GABRG3: variants seen among roughly 807,000 people sequenced by gnomAD.
GABRG3 encodes gamma-aminobutyric acid receptor subunit gamma-3.
In GABRG3, 25 loss-of-function variants were observed where a neutral mutation model predicts 48.8. The observed-to-expected ratio is 0.51, with a 90% CI of 0.37 to 0.72. The LOEUF (loss-of-function observed/expected upper bound fraction) is 0.72. Among genes scored for constraint, GABRG3 ranks in the 30% least tolerant of loss-of-function variants. The pLI, the probability that GABRG3 is intolerant of heterozygous loss-of-function variation, is 0.00. For synonymous variants in GABRG3, 227 were observed against 217.6 expected, an observed-to-expected ratio of 1.04 and a Z score of -0.38; for missense variants, 394 against 577.9, an observed-to-expected ratio of 0.68 and a Z score of 3.26.
chr15:27,248,012 C>T (rs1428909558), intron 3 of GABRG3, among the ~76,000 whole-genome samples: 1 of 152,166 alleles, frequency 6.6e-6, no homozygotes, highest in Non-Finnish European at 1.5e-5. Context: ...ACCAGACATG[C>T]AGAGAGAAGG....
At chr15:27,230,294 T>A (rs924814879) in intron 3 of GABRG3, among the ~76,000 whole-genome samples, 3 of 152,214 alleles carry the variant, frequency 2.0e-5, no homozygotes, top group African/African-American at 4.8e-5. Flanking sequence ...CACCTGAACT[T>A]GATCTACAGC....
chr15:27,436,723 G>A (rs940846253), intron 5 of GABRG3, among the ~76,000 whole-genome samples: 7 of 152,184 alleles, frequency 4.6e-5, no homozygotes, highest in Admixed American at 3.3e-4. Context: ...GGCTCCTAGT[G>A]CAGATCAGAG....
intron 5 of GABRG3, among the ~76,000 whole-genome samples, chr15:27,409,498 A>T (rs1313882027): frequency 3.3e-5 from 5 of 152,168 alleles, no homozygotes; most frequent in African/African-American, 1.2e-4. Flanking sequence ...TACTGTAGCT[A>T]TATAATTAAT....
At chr15:27,390,046 G>T (rs573536357) in intron 5 of GABRG3, among the ~76,000 whole-genome samples, 2 of 152,276 alleles carry the variant, frequency 1.3e-5, no homozygotes, top group Non-Finnish European at 2.9e-5. Context: ...AGTGTTAAGG[G>T]TATAAATTTC....
intron 3 of GABRG3, among the ~76,000 whole-genome samples, chr15:27,062,357 G>A (rs1263611661): frequency 6.6e-6 from 1 of 150,544 alleles, no homozygotes; most frequent in Non-Finnish European, 1.5e-5. Flanking sequence ...AGCACTTCAG[G>A]AGGCCGAGGC....
intron 3 of GABRG3, among the ~76,000 whole-genome samples, chr15:27,241,638 G>A (rs1344237402): frequency 3.3e-5 from 5 of 152,140 alleles, no homozygotes; most frequent in African/African-American, 1.2e-4. Flanking sequence ...CCATTTAAAT[G>A]TTTCTCTTTC....
rs183078728 is a variant in GABRG3 at position 27,374,601 on chromosome 15, A to T, written c.574+45713A>T. On this transcript the variant is annotated intron_variant, in intron 5 of 9. Transcript: ENST00000615808. ...TAAGTGTGGGTTTGTGCAGAGCAGA[A>T]CCTGTAGCAAGCACCGAGTCTGACT... Among the ~76,000 whole-genome samples the T allele has an allele frequency of 2.5e-4, 38 of 152,310 alleles. No homozygotes were observed. The East Asian group carries it at 6.4e-3, about 26-fold the overall frequency.
At chr15:27,458,274 C>A (rs541150951) in intron 5 of GABRG3, among the ~76,000 whole-genome samples, 108 of 152,346 alleles carry the variant, frequency 7.1e-4, no homozygotes, top group African/African-American at 2.4e-3. Context: ...TATGACATCG[C>A]TCCATCCTCA....
intron 7 of GABRG3, among the ~76,000 whole-genome samples, chr15:27,527,144 C>T (rs1194273201): frequency 6.6e-6 from 1 of 152,044 alleles, no homozygotes; most frequent in Non-Finnish European, 1.5e-5. Context: ...CCAAAAAGAG[C>T]GTCTACGTTA....
intron 2 of GABRG3, among the ~76,000 whole-genome samples, chr15:27,003,638 G>A (rs1895504469): frequency 1.3e-5 from 2 of 152,144 alleles, no homozygotes; most frequent in South Asian, 4.1e-4. Flanking sequence ...ACACAGACAT[G>A]GCAACCATCC....
At chr15:27,400,769 A>G (rs1047410149) in intron 5 of GABRG3, among the ~76,000 whole-genome samples, 10 of 152,210 alleles carry the variant, frequency 6.6e-5, no homozygotes, top group African/African-American at 2.2e-4. Context: ...AGAACTTCCT[A>G]TTCTAAATTT....
intron 3 of GABRG3, among the ~76,000 whole-genome samples, chr15:27,092,761 C>G (rs949646110): frequency 5.9e-5 from 9 of 152,192 alleles, no homozygotes; most frequent in African/African-American, 2.2e-4. Context: ...TTTGAGATGA[C>G]TTGCTCGGTG....
At chr15:27,290,092 C>T (rs1891747585) in intron 3 of GABRG3, among the ~76,000 whole-genome samples, 1 of 152,026 alleles carries the variant, frequency 6.6e-6, no homozygotes, top group African/African-American at 2.4e-5. Flanking sequence ...TAAAACAAAA[C>T]AAAACAGAAA....
chr15:27,492,727 G>A (rs934907323), intron 6 of GABRG3, among the ~76,000 whole-genome samples: 2 of 152,186 alleles, frequency 1.3e-5, no homozygotes, highest in African/African-American at 2.4e-5. Context: ...TTGTGTTGAT[G>A]AGAGAACCAC....
intron 3 of GABRG3, among the ~76,000 whole-genome samples, chr15:27,274,804 A>G (rs1222587125): frequency 1.3e-5 from 2 of 152,214 alleles, no homozygotes; most frequent in Admixed American, 6.5e-5. Flanking sequence ...CAATTATTAT[A>G]TCATCCTACC....
At chr15:27,096,640 G>A (rs536027016) in intron 3 of GABRG3, among the ~76,000 whole-genome samples, 1 of 152,170 alleles carries the variant, frequency 6.6e-6, no homozygotes, top group African/African-American at 2.4e-5. Flanking sequence ...ACTAACTTCT[G>A]TTTGCATATG....
intron 3 of GABRG3, among the ~76,000 whole-genome samples, chr15:27,311,557 C>A (rs2140507218): frequency 6.6e-6 from 1 of 151,902 alleles, no homozygotes; most frequent in South Asian, 2.1e-4. Flanking sequence ...TGATGCAGAC[C>A]AAATAGCTAA....
intron 3 of GABRG3, among the ~76,000 whole-genome samples, chr15:27,117,578 A>G (rs1897663573): frequency 6.6e-6 from 1 of 152,148 alleles, no homozygotes; most frequent in Non-Finnish European, 1.5e-5. Context: ...CGTCATAGAA[A>G]ATGATTGGCA....
chr15:27,264,097 A>T (rs1020590953), intron 3 of GABRG3, among the ~76,000 whole-genome samples: 33 of 152,168 alleles, frequency 2.2e-4, no homozygotes, highest in Non-Finnish European at 4.0e-4. Context: ...AGAGGGCAGG[A>T]TTCAAATCAG....
Sources: allele counts gnomAD v4.1 joint callset (sites outside exome capture counted in the v4.1 genomes callset), GRCh38; gene constraint gnomAD v4.1.1; transcripts MANE v1.5; gene names NCBI Gene and HGNC (gene_info 2026-07-23, HGNC 2026-07-21).